The following ASPM variants were observed in gnomAD, a reference collection of about 807,000 sequenced individuals.
ASPM encodes the protein assembly factor for spindle microtubules, also known as abnormal spindle-like microcephaly-associated protein.
In ASPM, 256 loss-of-function variants were observed where a neutral mutation model predicts 366.4. The observed-to-expected ratio is 0.70, with a 90% CI of 0.63 to 0.77. ASPM has a LOEUF of 0.77. Among genes scored for constraint, ASPM ranks in the 30% least tolerant of loss-of-function variants. The pLI is 0.00. For missense variants in ASPM, 4,146 were observed against 4,090.4 expected, an observed-to-expected ratio of 1.01 and a Z score of -0.37; for synonymous variants, 1,414 against 1,342.9, an observed-to-expected ratio of 1.05 and a Z score of -1.16.
chr1:197,144,925 AAAAT>A (rs1658720386), intron 1 of ASPM, among the ~76,000 whole-genome samples: 1 of 152,222 alleles, frequency 6.6e-6, no homozygotes, highest in South Asian at 2.1e-4. Context: ...TTTACTCTAT[AAAAT>A]AGTTTATTCT....
chr1:197,096,827 A>G (rs1432607722), intron 18 of ASPM, among the ~76,000 whole-genome samples: 1 of 151,820 alleles, frequency 6.6e-6, no homozygotes, highest in Non-Finnish European at 1.5e-5. Flanking sequence ...ACACAGGTTA[A>G]TAAGTGGCAG....
intron 18 of ASPM, among the ~76,000 whole-genome samples, chr1:197,096,962 G>A (rs1334095186): frequency 6.6e-6 from 1 of 151,812 alleles, no homozygotes; most frequent in African/African-American, 2.4e-5. Context: ...TTAAGTGACA[G>A]AGTCAAGATT....
chr1:197,140,709 A>G (rs781684091), intron 3 of ASPM, among the ~76,000 whole-genome samples: 3 of 152,188 alleles, frequency 2.0e-5, no homozygotes, highest in Non-Finnish European at 4.4e-5. Flanking sequence ...TTTATATTTA[A>G]GAAAACAGTA....
rs867610561 is a variant in ASPM, at chr1:197,088,576, A to G, written c.9985-144T>C. 105 of 637,056 alleles carry G rather than the reference A, an allele frequency of 1.6e-4. No individual in the cohort carries two copies. In the African/African-American group the frequency reaches 1.8e-3, roughly 11 times the overall value. 39.5% of individuals were successfully genotyped at this position (637,056 alleles called of 1,614,324 possible). Reference sequence around the variant, plus strand: ...TGCAGCAAGTGCAAAGGACTTTGTGAAATAGCTTTGATATTATCATTATTT... The same window carrying G: ...TGCAGCAAGTGCAAAGGACTTTGTGGAATAGCTTTGATATTATCATTATTT... On this transcript the variant is annotated intron_variant, in intron 25 of 27. Coordinates refer to ENST00000367409, the MANE Select transcript of ASPM (RefSeq NM_018136.5).
At position 197,143,716 on chromosome 1, in the gene ASPM, A is replaced by C. The variant is rs1191341443; in HGVS notation, c.536T>G (p.Phe179Cys). The C allele has an allele frequency of 1.2e-6, 2 of 1,613,764 alleles. No homozygotes were observed. Among genetic ancestry groups the C allele is most frequent in the African/African-American group, 2.7e-5 (2 of 74,908 alleles). The change falls in exon 3 of 28, where the codon TTT (phenylalanine) becomes TGT (cysteine). Residue 179 changes from phenylalanine (F) to cysteine (C), a missense_variant. Physicochemically the swap from Phe to Cys is radical, Grantham distance 205 (BLOSUM62 -2). This residue lies in a region of ASPM where 512 missense variants were observed against 471.7 expected (regional missense o/e 1.09). Coordinates refer to ENST00000367409, the MANE Select transcript of ASPM (RefSeq NM_018136.5). The stretch of plus-strand genomic sequence containing the variant: ...TCTGTCAACTTTTTGGGAAACACTA[A>C]ATGTTTTATTAACATTCTGAATATT... Reference protein sequence around the residue: ...VSNIQNVNKTFSVSQKVDRVR... With the variant: ...VSNIQNVNKTCSVSQKVDRVR...
chr1:197,101,737 T>C lies in ASPM; in HGVS notation c.7514A>G (p.His2505Arg). 1 of 1,612,264 alleles carries C rather than the reference T, an allele frequency of 6.2e-7. No homozygotes were observed. The highest frequency in any genetic ancestry group is 8.5e-7 in the Non-Finnish European group (1 of 1,179,066). The change falls in exon 18 of 28, where the codon CAT becomes CGT. Residue 2505 changes from histidine to arginine, a missense_variant. Around this residue, in one of 3 missense-constraint regions of ASPM, gnomAD observed 3,624 missense variants for 3,591.7 expected, o/e 1.01. Coordinates refer to ENST00000367409, the MANE Select transcript of ASPM (RefSeq NM_018136.5). The part of the protein sequence containing the change: ...RTYITFQTWK[H>R]ASILIQQHYR... ...ATGTTGCTGAATTAGAATTGAAGCATGTTTCCAAGTCTGAAATGTAATATA... is the reference window on the plus strand; with the variant it reads ...ATGTTGCTGAATTAGAATTGAAGCACGTTTCCAAGTCTGAAATGTAATATA...
chr1:197,131,716 G>A (rs555218987), intron 7 of ASPM, among the ~76,000 whole-genome samples: 2 of 151,908 alleles, frequency 1.3e-5, no homozygotes, highest in East Asian at 3.9e-4. Flanking sequence ...CCACCATCAC[G>A]CCTGGCTGAT....
rs572376202 is a variant in ASPM, at chr1:197,124,441, A to C, written c.3169-110T>G. 3.6e-6 allele frequency: 3 copies of C among 835,764 alleles called. No homozygotes were observed. In the African/African-American group the frequency reaches 5.2e-5, roughly 15 times the overall value. 51.8% of individuals were successfully genotyped at this position (835,764 alleles called of 1,614,324 possible). On this transcript the variant is annotated intron_variant, in intron 12 of 27. Transcript: ENST00000367409. Reference sequence around the variant, plus strand: ...TATTTAGAGAAACTGTAGATGTTTTAAACCAGGAAGTTAAAAAAATCAAAG... The same window carrying C: ...TATTTAGAGAAACTGTAGATGTTTTCAACCAGGAAGTTAAAAAAATCAAAG...
chr1:197,109,025 T>C (rs1319133806), intron 17 of ASPM, among the ~76,000 whole-genome samples: 1 of 146,620 alleles, frequency 6.8e-6, no homozygotes, highest in Non-Finnish European at 1.5e-5. Context: ...ATGATGAATA[T>C]GCTAATTGTC....
At chr1:197,093,517 T>C (rs1034343360) in intron 20 of ASPM, among the ~76,000 whole-genome samples, 3 of 151,858 alleles carry the variant, frequency 2.0e-5, no homozygotes, top group Non-Finnish European at 4.4e-5. Context: ...CTCTTGATAC[T>C]TTTCATTGTG....
At chr1:197,119,197 T>C (rs1170485937) in intron 16 of ASPM, among the ~76,000 whole-genome samples, 2 of 152,040 alleles carry the variant, frequency 1.3e-5, no homozygotes, top group South Asian at 4.1e-4. Context: ...GGAGAAAGAG[T>C]AGACAATTCC....
rs371001883 is a variant in ASPM, at chr1:197,130,048, A to G, written c.2496T>C (p.Tyr832=). Residue 832 remains tyrosine (Y), a synonymous_variant, in exon 8 of 28, where the codon TAT becomes TAC. Transcript: ENST00000367409. ...LWLRIGLETT[Y]GELISLEDNS... is the part of the protein sequence containing the mutation. ...TATCTTCCAAAGATATGAGTTCTCCATAAGTTGTCTGAAAATAAATTAAAG... is the reference window on the plus strand; with the variant it reads ...TATCTTCCAAAGATATGAGTTCTCCGTAAGTTGTCTGAAAATAAATTAAAG... 5.1e-5 allele frequency: 82 copies of G among 1,613,680 alleles called. No individual in the cohort carries two copies. The highest frequency in any genetic ancestry group is 6.4e-5 in the Non-Finnish European group (76 of 1,179,838).
At chr1:197,106,393 A>C (rs1199153321) in intron 17 of ASPM, among the ~76,000 whole-genome samples, 4 of 152,062 alleles carry the variant, frequency 2.6e-5, no homozygotes, top group Admixed American at 2.6e-4. Flanking sequence ...ATAAAGTATT[A>C]ACTTGCTTTA....
intron 17 of ASPM, among the ~76,000 whole-genome samples, chr1:197,111,296 A>C (rs1657575709): frequency 6.6e-6 from 1 of 152,174 alleles, no homozygotes; most frequent in South Asian, 2.1e-4. Context: ...CTCTCAAAGG[A>C]AGACACACAT....
chr1:197,104,725 C>G lies in ASPM; in HGVS notation c.4526G>C (p.Arg1509Thr). The G allele has an allele frequency of 6.2e-7, 1 of 1,609,562 alleles. No homozygotes were observed. The highest frequency in any genetic ancestry group is 1.7e-4 in the Middle Eastern group (1 of 6,042). Reference protein sequence around the residue: ...RCFQAQKLYKRRKESILTIQK... With the variant: ...RCFQAQKLYKTRKESILTIQK... ...GATGGTTAGTATGGACTCTTTTCTTCTTTTATATAACTTTTGGGCTTGAAA... is the reference window on the plus strand; with the variant it reads ...GATGGTTAGTATGGACTCTTTTCTTGTTTTATATAACTTTTGGGCTTGAAA... Residue 1509 changes from arginine (R) to threonine (T), a missense_variant, in exon 18 of 28, where the codon AGA becomes ACA. This residue lies in a region of ASPM where 3,624 missense variants were observed against 3,591.7 expected (regional missense o/e 1.01). Transcript: ENST00000367409.
chr1:197,119,446 A>C (rs1167417356), intron 16 of ASPM, among the ~76,000 whole-genome samples: 1 of 152,176 alleles, frequency 6.6e-6, no homozygotes, highest in African/African-American at 2.4e-5. Context: ...AAATAGGCTA[A>C]AGTAAATTGT....
rs755023693 is a variant in ASPM, at chr1:197,103,666, T to G, written c.5585A>C (p.Lys1862Thr). 4.3e-6 allele frequency: 7 copies of G among 1,612,894 alleles called. No homozygotes were observed. The South Asian group carries it at 7.7e-5, about 18-fold the overall frequency. Residue 1862 changes from lysine to threonine, a missense_variant, in exon 18 of 28, where the codon AAG becomes ACG. Around this residue, in one of 3 missense-constraint regions of ASPM, gnomAD observed 3,624 missense variants for 3,591.7 expected, o/e 1.01. Transcript: ENST00000367409. Reference protein sequence around the residue: ...IKIQRWYRAYKTLHDTRTHFL... With the variant: ...IKIQRWYRAYTTLHDTRTHFL... ...ATGTGTTCTTGTATCATGAAGAGTC[T>G]TGTACGCCCTGTACCATCTCTGAAT... is the stretch of plus-strand genomic sequence containing the variant.
At chr1:197,124,454 A>T in intron 12 of ASPM, 123 bp from the exon 13 acceptor site, 1 of 778,766 alleles carries the variant, frequency 1.3e-6, no homozygotes, top group Admixed American at 2.9e-5. Context: ...CCAGGAAGTT[A>T]AAAAAATCAA....
At chr1:197,091,630 T>C (rs1656788713) in intron 22 of ASPM, among the ~76,000 whole-genome samples, 1 of 152,014 alleles carries the variant, frequency 6.6e-6, no homozygotes, top group Non-Finnish European at 1.5e-5. Flanking sequence ...TCTGATACTT[T>C]ATGTTGGCAA....
Sources: allele counts gnomAD v4.1 joint callset (sites outside exome capture counted in the v4.1 genomes callset), GRCh38; gene constraint gnomAD v4.1.1; regional missense constraint gnomAD v4.1.1; transcripts MANE v1.5; gene names NCBI Gene and HGNC (gene_info 2026-07-23, HGNC 2026-07-21).